The following FHIT variants were observed in gnomAD, a reference collection of about 807,000 sequenced individuals.
FHIT encodes bis(5'-adenosyl)-triphosphatase.
FHIT carries 19 observed loss-of-function variants against 17.9 expected under a neutral mutation model. That is an observed-to-expected ratio of 1.06 (90% CI 0.74 to 1.56). The LOEUF is 1.56. FHIT is among the 40% of genes most tolerant of loss of function. FHIT has a pLI of 0.00. For synonymous variants in FHIT, 81 were observed against 69.7 expected (o/e 1.16, Z -0.81); for missense variants, 248 against 189.2 (o/e 1.31, Z -1.82).
intron 4 of FHIT, among the ~76,000 whole-genome samples, chr3:60,585,163 T>A (rs995868860): frequency 1.3e-5 from 2 of 151,972 alleles, no homozygotes; most frequent in African/African-American, 4.8e-5. Flanking sequence ...AATATGACAA[T>A]AGTTCATGTG....
chr3:59,824,475 A>T (rs188381796), intron 8 of FHIT, among the ~76,000 whole-genome samples: 1 of 152,256 alleles, frequency 6.6e-6, no homozygotes, highest in Non-Finnish European at 1.5e-5. Context: ...CATGTCTGTT[A>T]TAATAATATT....
chr3:60,092,536 T>C (rs1703776003), intron 5 of FHIT, among the ~76,000 whole-genome samples: 1 of 152,206 alleles, frequency 6.6e-6, no homozygotes, highest in African/African-American at 2.4e-5. Flanking sequence ...ATGATAGCAT[T>C]TCTAGATTGA....
At chr3:60,127,154 C>T (rs983716641) in intron 5 of FHIT, among the ~76,000 whole-genome samples, 1 of 152,130 alleles carries the variant, frequency 6.6e-6, no homozygotes, top group African/African-American at 2.4e-5. Context: ...TGGCCATCCT[C>T]TCTGACCCAC....
chr3:60,737,745 T>C (rs974932591), intron 4 of FHIT, among the ~76,000 whole-genome samples: 1 of 152,132 alleles, frequency 6.6e-6, no homozygotes, highest in African/African-American at 2.4e-5. Flanking sequence ...AAAAGTGAGC[T>C]GGCAAAAAAA....
At chr3:60,054,799 C>T (rs1292690329) in intron 5 of FHIT, among the ~76,000 whole-genome samples, 2 of 152,146 alleles carry the variant, frequency 1.3e-5, no homozygotes, top group African/African-American at 4.8e-5. Flanking sequence ...AGATCTCTTT[C>T]TACACTAAAT....
intron 3 of FHIT, among the ~76,000 whole-genome samples, chr3:61,028,043 A>G (rs2032824726): frequency 6.6e-6 from 1 of 152,202 alleles, no homozygotes. Context: ...TCTTAAGCAG[A>G]GCCCTAGGCT....
chr3:59,834,044 T>C (rs572570774), intron 8 of FHIT, among the ~76,000 whole-genome samples: 13 of 152,316 alleles, frequency 8.5e-5, no homozygotes, highest in Non-Finnish European at 1.8e-4. Flanking sequence ...TAATTCTTTA[T>C]AGCAGTGTGA....
intron 7 of FHIT, among the ~76,000 whole-genome samples, chr3:59,990,693 A>G (rs1262984157): frequency 2.0e-5 from 3 of 152,058 alleles, no homozygotes; most frequent in Non-Finnish European, 4.4e-5. Context: ...ATGAGCAAAG[A>G]ACTAGGTTGG....
At chr3:60,348,104 A>T (rs1710888051) in intron 5 of FHIT, among the ~76,000 whole-genome samples, 1 of 139,312 alleles carries the variant, frequency 7.2e-6, no homozygotes, top group South Asian at 2.5e-4. Flanking sequence ...TAGTAACATG[A>T]ATAATCCTGT....
intron 5 of FHIT, among the ~76,000 whole-genome samples, chr3:60,461,719 T>C (rs1005321147): frequency 2.6e-5 from 4 of 152,162 alleles, no homozygotes; most frequent in Non-Finnish European, 5.9e-5. Context: ...TCTCACCCAA[T>C]AGCCTTAGAA....
intron 5 of FHIT, among the ~76,000 whole-genome samples, chr3:60,401,654 T>C (rs1042296133): frequency 6.6e-6 from 1 of 152,278 alleles, no homozygotes; most frequent in African/African-American, 2.4e-5. Context: ...ACCCTATCTA[T>C]ACCTTATAAG....
At chr3:60,279,744 C>T (rs571627340) in intron 5 of FHIT, among the ~76,000 whole-genome samples, 63 of 152,178 alleles carry the variant, frequency 4.1e-4, no homozygotes, top group South Asian at 6.2e-4. Flanking sequence ...TTCAGGTACA[C>T]AGCTGGTGGA....
chr3:60,742,845 G>A (rs538035264), intron 4 of FHIT, among the ~76,000 whole-genome samples: 44 of 152,262 alleles, frequency 2.9e-4, no homozygotes, highest in African/African-American at 8.4e-4. Context: ...ACAACTAATC[G>A]AAGTCCCCTG....
chr3:60,437,174 C>A (rs983809004), intron 5 of FHIT, among the ~76,000 whole-genome samples: 1 of 152,082 alleles, frequency 6.6e-6, no homozygotes, highest in African/African-American at 2.4e-5. Flanking sequence ...AAACCCATCA[C>A]TGATGTTCTT....
rs73096009 is a variant in FHIT, at chr3:60,100,514, C to T, written c.104-86362G>A. Among the ~76,000 whole-genome samples, 293 of 152,184 alleles carry T rather than the reference C, an allele frequency of 1.9e-3. 1 individual carries two copies. The highest frequency in any genetic ancestry group is 3.1e-3 in the Non-Finnish European group (213 of 68,012). On this transcript the variant is annotated intron_variant, in intron 5 of 9. Coordinates refer to ENST00000492590, the MANE Select transcript of FHIT (RefSeq NM_002012.4). ...TTTTAAAAAACTGGTTTTTAAAAAT[C>T]CTAAGTTGTTTCCACCTGCAGGCAT... is the stretch of plus-strand genomic sequence containing the variant.
chr3:59,871,680 C>CT (rs1291887320), intron 8 of FHIT, among the ~76,000 whole-genome samples: 2 of 152,150 alleles, frequency 1.3e-5, no homozygotes, highest in African/African-American at 4.8e-5. Context: ...GGTAAAGAGT[C>CT]TTTGAGAGAT....
At chr3:59,897,829 C>G (rs539363105) in intron 8 of FHIT, among the ~76,000 whole-genome samples, 3 of 151,366 alleles carry the variant, frequency 2.0e-5, no homozygotes, top group African/African-American at 7.3e-5. Flanking sequence ...TGCAGTGGCG[C>G]GATCTCGGCT....
intron 5 of FHIT, among the ~76,000 whole-genome samples, chr3:60,307,971 G>A (rs1417964414): frequency 6.6e-6 from 1 of 152,202 alleles, no homozygotes; most frequent in African/African-American, 2.4e-5. Flanking sequence ...ACTGTGCACA[G>A]TGCCTTATGT....
chr3:60,267,171 A>C lies in FHIT; in HGVS notation c.104-253019T>G, dbSNP rs575346728. Among the ~76,000 whole-genome samples the C allele has an allele frequency of 3.4e-4, 52 of 152,148 alleles. No homozygotes were observed. The South Asian group carries it at 5.0e-3, about 15-fold the overall frequency. On this transcript the variant is annotated intron_variant, in intron 5 of 9. Transcript: ENST00000492590. ...GAAAGAGCTTGAAATGTAAAAAATA[A>C]AAAAGTATACATATTACTTAGAGAT...
Sources: gnomAD v4.1 joint callset for allele counts (sites outside exome capture counted in the v4.1 genomes callset) on GRCh38, gnomAD v4.1.1 for gene constraint, MANE v1.5 for transcripts, NCBI Gene and HGNC (gene_info 2026-07-23, HGNC 2026-07-21) for gene names.